Variants in ARHGAP20 observed in about 807,000 individuals in gnomAD.
ARHGAP20 encodes the protein rho GTPase-activating protein 20.
Under a neutral mutation model 73.7 loss-of-function variants are expected in ARHGAP20, and 34 were observed. That is an observed-to-expected ratio of 0.46 (90% CI 0.35 to 0.61). ARHGAP20 has a LOEUF of 0.61. Among genes scored for constraint, ARHGAP20 ranks in the 20% least tolerant of loss-of-function variants. The pLI, the probability that ARHGAP20 is intolerant of heterozygous loss-of-function variation, is 0.00. For synonymous variants in ARHGAP20, 523 were observed against 518.2 expected, an observed-to-expected ratio of 1.01 and a Z score of -0.13; for missense variants, 1,314 against 1,420.9, an observed-to-expected ratio of 0.92 and a Z score of 1.21.
At chr11:110,668,305 T>A (rs1949763178) in intron 2 of ARHGAP20, among the ~76,000 whole-genome samples, 1 of 152,212 alleles carries the variant, frequency 6.6e-6, no homozygotes, top group African/African-American at 2.4e-5. Flanking sequence ...GTTGCATTTT[T>A]AAAAAGCAAT....
intron 2 of ARHGAP20, among the ~76,000 whole-genome samples, chr11:110,654,086 C>T (rs1448738305): frequency 6.6e-6 from 1 of 152,064 alleles, no homozygotes; most frequent in Non-Finnish European, 1.5e-5. Context: ...GGAAAAATAG[C>T]TGATGCATGC....
intron 1 of ARHGAP20, among the ~76,000 whole-genome samples, chr11:110,695,262 G>A (rs1950314242): frequency 1.3e-5 from 2 of 151,420 alleles, no homozygotes; most frequent in Admixed American, 6.6e-5. Flanking sequence ...GCATAATTTT[G>A]TCATCTTGGA....
At chr11:110,683,380 T>G (rs1169815382) in intron 2 of ARHGAP20, among the ~76,000 whole-genome samples, 1 of 152,136 alleles carries the variant, frequency 6.6e-6, no homozygotes, top group Non-Finnish European at 1.5e-5. Flanking sequence ...CTATCAAGAC[T>G]TTCACAAATG....
intron 2 of ARHGAP20, among the ~76,000 whole-genome samples, chr11:110,639,238 ACC>A (rs11375397): frequency 0.3 from 42,487 of 141,648 alleles, 7,516 homozygotes; most frequent in African/African-American, 0.52. Context: ...TTTATTCGAT[ACC>A]CCCCCCCCAC....
chr11:110,597,501 T>A (rs895635670), intron 9 of ARHGAP20, among the ~76,000 whole-genome samples: 3 of 152,176 alleles, frequency 2.0e-5, no homozygotes, highest in African/African-American at 7.2e-5. Context: ...TATTATTATT[T>A]TTTTAGAGAT....
intron 2 of ARHGAP20, among the ~76,000 whole-genome samples, chr11:110,658,558 T>C (rs1021332456): frequency 3.9e-5 from 6 of 152,186 alleles, no homozygotes; most frequent in African/African-American, 1.4e-4. Context: ...AAACTACTAA[T>C]TTCATCTGTT....
chr11:110,639,142 T>C (rs1949028344), intron 2 of ARHGAP20, among the ~76,000 whole-genome samples: 1 of 152,090 alleles, frequency 6.6e-6, no homozygotes, highest in Non-Finnish European at 1.5e-5. Flanking sequence ...TAAATAAGTC[T>C]GATTTTTTCT....
rs28595183 is a variant in ARHGAP20 at position 110,648,221 on chromosome 11, G to A, written c.189-17429C>T. Among the ~76,000 whole-genome samples, 590 of 76,580 alleles carry A rather than the reference G, an allele frequency of 7.7e-3. 5 individuals carry two copies. Among genetic ancestry groups the A allele is most frequent in the South Asian group, 0.029 (76 of 2,606 alleles). The allele number at this position is 76,580 out of a possible 152,430, so 50.2% of individuals were successfully genotyped here. A position where few individuals can be genotyped will look rare whatever the true frequency, so the allele number is the denominator to read the frequency against. On this transcript the variant is annotated intron_variant, in intron 2 of 14. Coordinates refer to ENST00000683387, the MANE Select transcript of ARHGAP20 (RefSeq NM_001384657.1). Reference sequence around the variant, plus strand: ...TATATATATATGTAAATATATATATGTATATATATATATATGTAAATATAT... The same window carrying A: ...TATATATATATGTAAATATATATATATATATATATATATATGTAAATATAT...
At chr11:110,583,511 C>T in intron 13 of ARHGAP20, 37 bp downstream of exon 13, 1 of 1,485,218 alleles carries the variant, frequency 6.7e-7, no homozygotes, top group Non-Finnish European at 9.0e-7. Flanking sequence ...AACGGGGACT[C>T]AGTCTCCCAG....
chr11:110,661,412 ATAGT>A, intron 2 of ARHGAP20, among the ~76,000 whole-genome samples: 1 of 152,158 alleles, frequency 6.6e-6, no homozygotes, highest in Non-Finnish European at 1.5e-5. Flanking sequence ...AAGTTCAGTG[ATAGT>A]TTACTTCTTA....
intron 2 of ARHGAP20, among the ~76,000 whole-genome samples, chr11:110,673,495 C>T (rs1433145446): frequency 6.6e-6 from 1 of 152,004 alleles, no homozygotes; most frequent in Non-Finnish European, 1.5e-5. Flanking sequence ...AAAATTATGG[C>T]CATAAAAGAA....
chr11:110,706,286 G>T (rs1348677429), intron 1 of ARHGAP20, among the ~76,000 whole-genome samples: 1 of 152,108 alleles, frequency 6.6e-6, no homozygotes, highest in Non-Finnish European at 1.5e-5. Flanking sequence ...TCAAATTCCA[G>T]TTTTGCCACT....
At position 110,615,562 on chromosome 11, in the gene ARHGAP20, A is replaced by C; in HGVS notation, c.536T>G (p.Leu179Arg). The C allele has an allele frequency of 1.2e-6, 2 of 1,611,966 alleles. No homozygotes were observed. Among genetic ancestry groups the C allele is most frequent in the Non-Finnish European group, 1.7e-6 (2 of 1,179,188 alleles). The part of the protein sequence containing the change: ...SPEQKDKWLS[L>R]LQRYINLEKE... The stretch of plus-strand genomic sequence containing the variant: ...AATACTGAAAAAATACCTCTGAAGG[A>C]GAGAGAGCCATTTGTCCTTTTGTTC... The change falls in exon 5 of 15, where the codon CTC becomes CGC. Residue 179 changes from leucine (L) to arginine (R), a missense_variant. Physicochemically the swap from Leu to Arg is moderately radical, Grantham distance 102. Transcript: ENST00000683387.
intron 1 of ARHGAP20, among the ~76,000 whole-genome samples, chr11:110,705,803 C>T (rs965819180): frequency 6.6e-6 from 1 of 152,070 alleles, no homozygotes; most frequent in Non-Finnish European, 1.5e-5. Context: ...TTCAGTGCAC[C>T]CACACATAAC....
intron 1 of ARHGAP20, among the ~76,000 whole-genome samples, chr11:110,709,252 C>T (rs766165537): frequency 6.6e-6 from 1 of 152,128 alleles, no homozygotes; most frequent in Non-Finnish European, 1.5e-5. Flanking sequence ...GTTTGCTGAC[C>T]CTGCTCTGAG....
chr11:110,621,365 C>T (rs536303468), intron 4 of ARHGAP20, among the ~76,000 whole-genome samples: 4 of 152,148 alleles, frequency 2.6e-5, no homozygotes, highest in East Asian at 1.9e-4. Flanking sequence ...CCTCGCTCCT[C>T]TTTCTGTAAT....
intron 2 of ARHGAP20, among the ~76,000 whole-genome samples, chr11:110,634,845 T>C (rs1251385242): frequency 6.6e-6 from 1 of 152,144 alleles, no homozygotes; most frequent in African/African-American, 2.4e-5. Context: ...TTTATAAATG[T>C]GTAGTTAAGC....
intron 5 of ARHGAP20, among the ~76,000 whole-genome samples, chr11:110,615,273 T>C (rs550106245): frequency 6.6e-5 from 10 of 152,240 alleles, no homozygotes; most frequent in African/African-American, 2.2e-4. Context: ...CTGGAGACAA[T>C]GGAAAGAGAG....
chr11:110,634,952 TA>T (rs1368805986), intron 2 of ARHGAP20, among the ~76,000 whole-genome samples: 1 of 146,922 alleles, frequency 6.8e-6, no homozygotes, highest in Non-Finnish European at 1.5e-5. Flanking sequence ...GTTTTTTTTT[TA>T]AATTAGTCTA....
Sources: allele counts gnomAD v4.1 joint callset (sites outside exome capture counted in the v4.1 genomes callset), GRCh38; gene constraint gnomAD v4.1.1; transcripts MANE v1.5; gene names NCBI Gene and HGNC (gene_info 2026-07-23, HGNC 2026-07-21).